Variants in GLRA3 observed in about 807,000 individuals in gnomAD.
GLRA3 encodes the protein glycine receptor subunit alpha-3.
Under a neutral mutation model 60.4 loss-of-function variants are expected in GLRA3, and 44 were observed. That is an observed-to-expected ratio of 0.73 (90% CI 0.57 to 0.94). The LOEUF (loss-of-function observed/expected upper bound fraction) is 0.94. GLRA3 is among the 40% of genes least tolerant of loss of function. The pLI is 0.00. For synonymous variants in GLRA3, 223 were observed against 192.9 expected, an observed-to-expected ratio of 1.16 and a Z score of -1.29; for missense variants, 508 against 564.6, an observed-to-expected ratio of 0.90 and a Z score of 1.02.
chr4:174,733,518 T>C (rs563147805), intron 3 of GLRA3, among the ~76,000 whole-genome samples: 11 of 152,238 alleles, frequency 7.2e-5, no homozygotes, highest in African/African-American at 2.6e-4. Context: ...CCTCAGAACC[T>C]TCCCCCCTCT....
In GLRA3 at chr4:174,643,820, A is replaced by C; in HGVS notation, c.1361T>G (p.Leu454Arg). ...NIFYWVIYKI[L>R]RHEDIHQQQD ...CTGCTGATGAATATCCTCATGCCTA[A>C]GAATTTTATAGATAACCCAGTAGAA... The change falls in exon 10 of 10, where the codon CTT (leucine) becomes CGT (arginine). Residue 454 changes from leucine (L) to arginine (R), a missense_variant. Transcript: ENST00000274093. 1 of 1,613,682 alleles carries C rather than the reference A, an allele frequency of 6.2e-7. No homozygotes were observed.
At chr4:174,726,193 G>A (rs1331934036) in intron 4 of GLRA3, among the ~76,000 whole-genome samples, 2 of 152,220 alleles carry the variant, frequency 1.3e-5, no homozygotes, top group African/African-American at 2.4e-5. Flanking sequence ...GAGAGGGAAG[G>A]TATGCCTTGT....
chr4:174,696,480 A>G (rs1735058210), intron 5 of GLRA3, among the ~76,000 whole-genome samples: 1 of 148,832 alleles, frequency 6.7e-6, no homozygotes, highest in African/African-American at 2.4e-5. Flanking sequence ...AATATAATTT[A>G]ATATAATATA....
At chr4:174,728,068 G>GA (rs1441512080) in intron 4 of GLRA3, among the ~76,000 whole-genome samples, 1 of 152,060 alleles carries the variant, frequency 6.6e-6, no homozygotes, top group Non-Finnish European at 1.5e-5. Context: ...ACATATACCT[G>GA]AAAAATAATC....
rs535875145 is a variant in GLRA3, at chr4:174,784,096, T to G, written c.199+4720A>C. Reference sequence around the variant, plus strand: ...AATGTCCAACAATGATAGACTGGATTAAGAAAATGTGGCACATATACACCA... The same window carrying G: ...AATGTCCAACAATGATAGACTGGATGAAGAAAATGTGGCACATATACACCA... On this transcript the variant is annotated intron_variant, in intron 2 of 9. Transcript: ENST00000274093. 4.0e-3 allele frequency among the ~76,000 whole-genome samples: 589 copies of G among 146,492 alleles called. 4 individuals carry two copies. Among genetic ancestry groups the G allele is most frequent in the African/African-American group, 0.014 (565 of 39,386 alleles).
At chr4:174,699,064 C>T (rs1157083395) in intron 5 of GLRA3, among the ~76,000 whole-genome samples, 3 of 149,968 alleles carry the variant, frequency 2.0e-5, no homozygotes, top group Non-Finnish European at 4.4e-5. Flanking sequence ...GTGGTGTGAT[C>T]TCAGCTTACT....
chr4:174,664,806 T>C (rs1366103616), intron 7 of GLRA3, among the ~76,000 whole-genome samples: 5 of 152,224 alleles, frequency 3.3e-5, no homozygotes, highest in African/African-American at 1.2e-4. Flanking sequence ...TAATAATTCA[T>C]ATTAACCCTT....
chr4:174,709,225 T>G (rs1561069654), intron 5 of GLRA3, among the ~76,000 whole-genome samples: 1 of 152,030 alleles, frequency 6.6e-6, no homozygotes, highest in Non-Finnish European at 1.5e-5. Flanking sequence ...CAGTGATCAC[T>G]TTAGTAGTTT....
chr4:174,773,313 G>GT (rs10645897), intron 2 of GLRA3, among the ~76,000 whole-genome samples: 49,051 of 148,352 alleles, frequency 0.33, 9,097 homozygotes, highest in East Asian at 0.89. Context: ...TCGTTTAGAT[G>GT]TTTTTTTTTT....
chr4:174,738,123 T>C (rs1736876194), intron 3 of GLRA3, among the ~76,000 whole-genome samples: 1 of 152,236 alleles, frequency 6.6e-6, no homozygotes. Context: ...AGGTTAAGTG[T>C]ACTGTAAAGC....
intron 7 of GLRA3, among the ~76,000 whole-genome samples, chr4:174,672,019 G>A (rs1353864898): frequency 6.6e-6 from 1 of 152,120 alleles, no homozygotes; most frequent in Non-Finnish European, 1.5e-5. Flanking sequence ...AATTGAGAAA[G>A]GTAAAAGGTT....
At chr4:174,666,141 T>C (rs577539423) in intron 7 of GLRA3, among the ~76,000 whole-genome samples, 18 of 152,214 alleles carry the variant, frequency 1.2e-4, no homozygotes, top group African/African-American at 4.3e-4. Context: ...CTACTGCAAA[T>C]CAACAACTGT....
intron 2 of GLRA3, among the ~76,000 whole-genome samples, chr4:174,785,571 T>A (rs1048637303): frequency 1.3e-5 from 2 of 152,172 alleles, no homozygotes; most frequent in African/African-American, 4.8e-5. Flanking sequence ...TACTGAAATT[T>A]TATGTTTGCC....
At chr4:174,823,084 A>G (rs1255832890) in intron 1 of GLRA3, among the ~76,000 whole-genome samples, 1 of 152,168 alleles carries the variant, frequency 6.6e-6, no homozygotes, top group Non-Finnish European at 1.5e-5. Context: ...TTCCATATAT[A>G]CACTGTTTGT....
intron 7 of GLRA3, among the ~76,000 whole-genome samples, chr4:174,667,319 T>C (rs191870017): frequency 6.6e-6 from 1 of 152,100 alleles, no homozygotes; most frequent in African/African-American, 2.4e-5. Flanking sequence ...GGAGGGCGAT[T>C]TCTATTTGTC....
rs896765422 is a variant in GLRA3, at chr4:174,794,214, T to C, written c.72-5271A>G. ...CTTATCCATTGAAACCCACCTATTATAATAGTTTGATATTTGAACCAATAT... is the reference window on the plus strand; with the variant it reads ...CTTATCCATTGAAACCCACCTATTACAATAGTTTGATATTTGAACCAATAT... On this transcript the variant is annotated intron_variant, in intron 1 of 9. Transcript: ENST00000274093. Among the ~76,000 whole-genome samples, 3 of 152,288 alleles carry C rather than the reference T, an allele frequency of 2.0e-5. No individual in the cohort carries two copies. The East Asian group carries it at 5.8e-4, about 29-fold the overall frequency.
intron 9 of GLRA3, among the ~76,000 whole-genome samples, chr4:174,644,529 C>A (rs1190111378): frequency 6.6e-6 from 1 of 151,808 alleles, no homozygotes; most frequent in Admixed American, 6.6e-5. Context: ...TCTTTCAATT[C>A]GAAGTCAATT....
intron 2 of GLRA3, among the ~76,000 whole-genome samples, chr4:174,788,590 TAAA>T (rs35640897): frequency 4.6e-5 from 4 of 87,862 alleles, no homozygotes; most frequent in Admixed American, 1.4e-4. Context: ...GTTAGAGAAG[TAAA>T]AAAAAAAAAA....
At position 174,638,620 on chromosome 4, in the gene GLRA3, T is replaced by C. The variant is rs1732557683; in HGVS notation, c.*5166A>G. On this transcript the variant is annotated 3_prime_UTR_variant, in exon 10 of 10. Coordinates refer to ENST00000274093, the MANE Select transcript of GLRA3 (RefSeq NM_006529.4). ...CTATTTTTAATTCTAAGAATATAAATGAGAGACAACTAAAATTAGTTGCTT... is the reference window on the plus strand; with the variant it reads ...CTATTTTTAATTCTAAGAATATAAACGAGAGACAACTAAAATTAGTTGCTT... 1 of 152,096 alleles carries C rather than the reference T, an allele frequency of 6.6e-6. No individual in the cohort carries two copies. Among genetic ancestry groups the C allele is most frequent in the Non-Finnish European group, 1.5e-5 (1 of 68,008 alleles). The allele number at this position is 152,096 out of a possible 1,614,324, so 9.4% of individuals were successfully genotyped here.
Sources: allele counts gnomAD v4.1 joint callset (sites outside exome capture counted in the v4.1 genomes callset), GRCh38; gene constraint gnomAD v4.1.1; transcripts MANE v1.5; gene names NCBI Gene and HGNC (gene_info 2026-07-23, HGNC 2026-07-21).